The following KCNH1 variants were observed in gnomAD, a reference collection of about 807,000 sequenced individuals.
KCNH1 encodes potassium voltage-gated channel subfamily H member 1.
Under a neutral mutation model 69.2 loss-of-function variants are expected in KCNH1, and 27 were observed. The ratio of observed to expected loss-of-function variants is 0.39; its 90% CI spans 0.29 to 0.54. KCNH1 has a LOEUF of 0.54. Ranked by LOEUF, KCNH1 falls within the 20% of genes least tolerant of loss-of-function variation. KCNH1 has a pLI of 0.68. For synonymous variants in KCNH1, 456 were observed against 487.7 expected, an observed-to-expected ratio of 0.93 and a Z score of 0.86; for missense variants, 798 against 1,261.6, an observed-to-expected ratio of 0.63 and a Z score of 5.57.
chr1:211,079,652 G>T (rs1360831717), intron 5 of KCNH1, among the ~76,000 whole-genome samples: 1 of 152,162 alleles, frequency 6.6e-6, no homozygotes, highest in African/African-American at 2.4e-5. Context: ...GGGATGCAAG[G>T]CTGGTTCAAC....
intron 3 of KCNH1, among the ~76,000 whole-genome samples, chr1:211,091,254 T>A (rs1378071732): frequency 6.6e-6 from 1 of 152,164 alleles, no homozygotes; most frequent in Non-Finnish European, 1.5e-5. Context: ...CAATCTTGGC[T>A]CACTGCATCC....
chr1:211,007,114 G>T (rs963451332), intron 6 of KCNH1, among the ~76,000 whole-genome samples: 1 of 152,094 alleles, frequency 6.6e-6, no homozygotes, highest in Non-Finnish European at 1.5e-5. Context: ...TTCTTGTAAA[G>T]ATTATCCAGA....
intron 3 of KCNH1, among the ~76,000 whole-genome samples, chr1:211,093,415 A>G (rs944052065): frequency 6.6e-6 from 1 of 152,118 alleles, no homozygotes; most frequent in Non-Finnish European, 1.5e-5. Flanking sequence ...CCTCCTGGGT[A>G]GCTGGGACTA....
chr1:210,831,606 C>G (rs891371820), intron 7 of KCNH1, among the ~76,000 whole-genome samples: 2 of 152,166 alleles, frequency 1.3e-5, no homozygotes, highest in Non-Finnish European at 2.9e-5. Context: ...GGTCTAATAG[C>G]TGCAGAAATC....
intron 1 of KCNH1, among the ~76,000 whole-genome samples, chr1:211,126,951 CA>C (rs34616552): frequency 2.7e-5 from 4 of 150,156 alleles, no homozygotes; most frequent in African/African-American, 4.9e-5. Context: ...CCCAACCTCA[CA>C]AAAAAAAATA....
At chr1:210,750,761 A>G (rs1313407126) in intron 10 of KCNH1, among the ~76,000 whole-genome samples, 7 of 152,162 alleles carry the variant, frequency 4.6e-5, no homozygotes, top group Non-Finnish European at 7.3e-5. Flanking sequence ...CCTCTTTCCA[A>G]TGCCATCTTG....
chr1:210,793,885 C>G (rs568151323), intron 9 of KCNH1, among the ~76,000 whole-genome samples: 1 of 152,318 alleles, frequency 6.6e-6, no homozygotes, highest in South Asian at 2.1e-4. Context: ...GCGAATCATG[C>G]AGAGTGATGG....
rs71134652 is a variant in KCNH1 at position 211,045,041 on chromosome 1, GATATAT to G, written c.559-25791_559-25786del. On this transcript the variant is annotated intron_variant, in intron 5 of 10. Coordinates refer to ENST00000271751, the MANE Select transcript of KCNH1 (RefSeq NM_172362.3). ...ATCAATGTGTGGATAAATTGTGGGG[GATATAT>G]ATATATATATATGAATAATAGAATA... Among the ~76,000 whole-genome samples the G allele has an allele frequency of 1.2e-4, 10 of 81,740 alleles. 1 individual carries two copies. The highest frequency in any genetic ancestry group is 5.4e-4 in the Admixed American group (4 of 7,464). The allele number at this position is 81,740 out of a possible 152,430, so 53.6% of individuals were successfully genotyped here. A position where few individuals can be genotyped will look rare whatever the true frequency, so the allele number is the denominator to read the frequency against.
intron 10 of KCNH1, among the ~76,000 whole-genome samples, chr1:210,695,391 G>T (rs748289946): frequency 6.6e-6 from 1 of 152,170 alleles, no homozygotes; most frequent in Non-Finnish European, 1.5e-5. Context: ...TTGGTATATA[G>T]TGCTGACTTC....
chr1:210,847,215 C>T (rs139868818), intron 7 of KCNH1, among the ~76,000 whole-genome samples: 24,952 of 152,088 alleles, frequency 0.16, 2,623 homozygotes, highest in Non-Finnish European at 0.24. Flanking sequence ...TTTGACCCAG[C>T]CATCCCATTA....
At chr1:210,953,801 C>G (rs1400327134) in intron 6 of KCNH1, among the ~76,000 whole-genome samples, 1 of 152,184 alleles carries the variant, frequency 6.6e-6, no homozygotes, top group Admixed American at 6.5e-5. Context: ...TACTCTGCCT[C>G]TCTCCCTACT....
intron 6 of KCNH1, among the ~76,000 whole-genome samples, chr1:210,942,406 A>G (rs1687892172): frequency 6.6e-6 from 1 of 152,176 alleles, no homozygotes; most frequent in Non-Finnish European, 1.5e-5. Context: ...AGTAGGAAAA[A>G]TGCATGTAAT....
intron 5 of KCNH1, among the ~76,000 whole-genome samples, chr1:211,062,414 C>A (rs1294614015): frequency 6.6e-6 from 1 of 152,118 alleles, no homozygotes; most frequent in Non-Finnish European, 1.5e-5. Context: ...GCAAAGATTT[C>A]TTGAGTAATA....
chr1:210,809,218 A>C (rs1684648770), intron 7 of KCNH1, among the ~76,000 whole-genome samples: 1 of 152,130 alleles, frequency 6.6e-6, no homozygotes, highest in Non-Finnish European at 1.5e-5. Context: ...TATCTTTATC[A>C]ATTTCATTTT....
At chr1:210,686,566 G>A (rs1681412743) in intron 10 of KCNH1, among the ~76,000 whole-genome samples, 1 of 152,174 alleles carries the variant, frequency 6.6e-6, no homozygotes, top group Non-Finnish European at 1.5e-5. Flanking sequence ...GAAGGAAGGT[G>A]GAATGGAGGG....
At chr1:211,055,589 A>G (rs573670849) in intron 5 of KCNH1, among the ~76,000 whole-genome samples, 2 of 152,296 alleles carry the variant, frequency 1.3e-5, no homozygotes, top group African/African-American at 4.8e-5. Context: ...TGGGATGGCC[A>G]AGGAAGTGCT....
chr1:210,680,587 A>C lies in KCNH1; in HGVS notation c.*2694T>G, dbSNP rs1681241925. ...CGGGAACCCAGAGTGGCATCCTGGC[A>C]TGGGAAGGCAGTCAGCACAAAGCAG... On this transcript the variant is annotated 3_prime_UTR_variant, in exon 11 of 11. Coordinates refer to ENST00000271751, the MANE Select transcript of KCNH1 (RefSeq NM_172362.3). 1 of 152,206 alleles carries C rather than the reference A, an allele frequency of 6.6e-6. No homozygotes were observed. The highest frequency in any genetic ancestry group is 2.4e-5 in the African/African-American group (1 of 41,424). The allele number at this position is 152,206 out of a possible 1,614,324, so 9.4% of individuals were successfully genotyped here.
chr1:210,917,735 C>T (rs977953960), intron 7 of KCNH1, among the ~76,000 whole-genome samples: 1 of 152,176 alleles, frequency 6.6e-6, no homozygotes, highest in Non-Finnish European at 1.5e-5. Flanking sequence ...CAAATCATGT[C>T]CTGAGCACAG....
chr1:210,748,544 G>A (rs1558453078), intron 10 of KCNH1, among the ~76,000 whole-genome samples: 5 of 152,130 alleles, frequency 3.3e-5, no homozygotes, highest in Admixed American at 2.6e-4. Context: ...AATATTCAAC[G>A]TTATGGTACT....
Sources: allele counts gnomAD v4.1 joint callset (sites outside exome capture counted in the v4.1 genomes callset), GRCh38; gene constraint gnomAD v4.1.1; transcripts MANE v1.5; gene names NCBI Gene and HGNC (gene_info 2026-07-23, HGNC 2026-07-21).